Variants in ROBO2 observed in about 807,000 individuals in gnomAD.
ROBO2 encodes the protein roundabout homolog 2.
ROBO2 carries 53 observed loss-of-function variants against 160.8 expected under a neutral mutation model. The ratio of observed to expected loss-of-function variants is 0.33; its 90% CI spans 0.26 to 0.41. The LOEUF (loss-of-function observed/expected upper bound fraction) is 0.41, where lower values mean the gene tolerates loss of function less well. ROBO2 is among the 10% of genes least tolerant of loss of function. The pLI is 1.00. For missense variants in ROBO2, 1,577 were observed against 1,722.4 expected, an observed-to-expected ratio of 0.92 and a Z score of 1.49; for synonymous variants, 664 against 611.7, an observed-to-expected ratio of 1.09 and a Z score of -1.26.
chr3:76,077,220 C>G, intron 2 of ROBO2, among the ~76,000 whole-genome samples: 1 of 152,000 alleles, frequency 6.6e-6, no homozygotes, highest in East Asian at 1.9e-4. Context: ...CAGTGTGCAA[C>G]TAGGGATTGG....
At chr3:77,463,639 GGT>G (rs1233377929) in intron 2 of ROBO2, among the ~76,000 whole-genome samples, 2 of 151,928 alleles carry the variant, frequency 1.3e-5, no homozygotes, top group Admixed American at 1.3e-4. Flanking sequence ...GGAGTGCAGT[GGT>G]GCAATCATGT....
intron 2 of ROBO2, among the ~76,000 whole-genome samples, chr3:76,555,361 A>G (rs955561363): frequency 6.7e-5 from 2 of 29,648 alleles, no homozygotes; most frequent in East Asian, 2.0e-3. Flanking sequence ...AGGAAGAGAG[A>G]AGAAGAAGAA....
At chr3:76,945,577 G>C (rs149331258) in intron 2 of ROBO2, among the ~76,000 whole-genome samples, 1 of 152,124 alleles carries the variant, frequency 6.6e-6, no homozygotes, top group Non-Finnish European at 1.5e-5. Flanking sequence ...GGTGTATCAG[G>C]GTGTATCAGT....
At chr3:76,149,896 CT>C (rs2072093033) in intron 2 of ROBO2, among the ~76,000 whole-genome samples, 1 of 151,168 alleles carries the variant, frequency 6.6e-6, no homozygotes, top group African/African-American at 2.4e-5. Flanking sequence ...CACACATCAT[CT>C]GTCTAAAACA....
At chr3:76,890,170 G>T (rs2074234145) in intron 2 of ROBO2, among the ~76,000 whole-genome samples, 1 of 152,078 alleles carries the variant, frequency 6.6e-6, no homozygotes, top group African/African-American at 2.4e-5. Context: ...ATGATAGTGG[G>T]TTATTGAGCT....
chr3:76,449,288 T>C (rs976674298), intron 2 of ROBO2, among the ~76,000 whole-genome samples: 2 of 152,132 alleles, frequency 1.3e-5, no homozygotes, highest in Non-Finnish European at 1.5e-5. Flanking sequence ...ATGAGCTAAA[T>C]TGAAATTTTT....
intron 2 of ROBO2, among the ~76,000 whole-genome samples, chr3:76,664,192 T>C (rs558908961): frequency 6.6e-6 from 1 of 152,280 alleles, no homozygotes; most frequent in South Asian, 2.1e-4. Flanking sequence ...TCACAGAAGC[T>C]GTTATGTCTA....
rs563922012 is a variant in ROBO2 at position 76,129,839 on chromosome 3, G to A, written c.109+192237G>A. On this transcript the variant is annotated intron_variant, in intron 2 of 26. Coordinates refer to the ROBO2 transcript ENST00000487694. Reference sequence around the variant, plus strand: ...GTCAGGGAGTTACATCTCGATTCCCGTCCTAGCACCAGGATATTTTCATAT... The same window carrying A: ...GTCAGGGAGTTACATCTCGATTCCCATCCTAGCACCAGGATATTTTCATAT... Among the ~76,000 whole-genome samples, 14 of 151,860 alleles carry A rather than the reference G, an allele frequency of 9.2e-5. No individual in the cohort carries two copies. In the South Asian group the frequency reaches 1.7e-3, roughly 18 times the overall value.
At chr3:76,127,258 G>A (rs937517485) in intron 2 of ROBO2, among the ~76,000 whole-genome samples, 23 of 152,084 alleles carry the variant, frequency 1.5e-4, no homozygotes, top group African/African-American at 5.1e-4. Flanking sequence ...ACTTCTAGAA[G>A]CTGGAAAATT....
chr3:76,304,706 TTTTC>T lies in ROBO2; in HGVS notation c.109+367110_109+367113del, dbSNP rs770483824. On this transcript the variant is annotated intron_variant, in intron 2 of 26. Coordinates refer to the ROBO2 transcript ENST00000487694. Reference sequence around the variant, plus strand: ...CTCGTTTTATTTTGTTGTTGTTTTATTTTCTTTCTCTTTCTTTCTTTCTTTCTTT... The same window carrying T: ...CTCGTTTTATTTTGTTGTTGTTTTATTTTCTCTTTCTTTCTTTCTTTCTTT... 1.5e-3 allele frequency among the ~76,000 whole-genome samples: 213 copies of T among 146,332 alleles called. 4 individuals are homozygous for T. Among genetic ancestry groups the T allele is most frequent in the Admixed American group, 3.3e-3 (48 of 14,590 alleles).
At chr3:76,127,812 T>C (rs2071050867) in intron 2 of ROBO2, among the ~76,000 whole-genome samples, 1 of 151,394 alleles carries the variant, frequency 6.6e-6, no homozygotes, top group Admixed American at 6.6e-5. Context: ...AAAATATCTA[T>C]GAAGCAAAAT....
At chr3:76,304,414 A>C (rs2071219762) in intron 2 of ROBO2, among the ~76,000 whole-genome samples, 1 of 152,252 alleles carries the variant, frequency 6.6e-6, no homozygotes, top group Admixed American at 6.5e-5. Flanking sequence ...CGACGTAATT[A>C]ATGAAACTAC....
intron 2 of ROBO2, among the ~76,000 whole-genome samples, chr3:76,097,973 A>G (rs2069523284): frequency 6.6e-6 from 1 of 152,142 alleles, no homozygotes; most frequent in Non-Finnish European, 1.5e-5. Context: ...TGGTAAATAA[A>G]ACAGCATTTT....
chr3:76,620,352 A>G (rs1267058219), intron 2 of ROBO2, among the ~76,000 whole-genome samples: 2 of 152,206 alleles, frequency 1.3e-5, no homozygotes, highest in Non-Finnish European at 2.9e-5. Flanking sequence ...GAATGAGATT[A>G]ACTTGCATCA....
At chr3:77,260,879 G>A (rs1034236197) in intron 2 of ROBO2, among the ~76,000 whole-genome samples, 1 of 152,126 alleles carries the variant, frequency 6.6e-6, no homozygotes, top group African/African-American at 2.4e-5. Flanking sequence ...TTTGGGGGTG[G>A]CTTTGTGGGT....
At chr3:76,495,009 CA>C (rs2080064614) in intron 2 of ROBO2, among the ~76,000 whole-genome samples, 1 of 151,988 alleles carries the variant, frequency 6.6e-6, no homozygotes, top group African/African-American at 2.4e-5. Context: ...TACTGAATAC[CA>C]CTGAATTGTG....
chr3:76,795,292 T>C (rs1448930146), intron 2 of ROBO2, among the ~76,000 whole-genome samples: 1 of 152,068 alleles, frequency 6.6e-6, no homozygotes, highest in Non-Finnish European at 1.5e-5. Context: ...GCTGCATCAA[T>C]TGACTCTTCC....
intron 6 of ROBO2, among the ~76,000 whole-genome samples, chr3:77,533,684 C>T (rs2091909053): frequency 6.6e-6 from 1 of 152,118 alleles, no homozygotes; most frequent in South Asian, 2.1e-4. Context: ...CTTTGTAGCT[C>T]TCCGAGGCCT....
intron 2 of ROBO2, among the ~76,000 whole-genome samples, chr3:76,985,498 T>TG (rs1171637296): frequency 2.4e-5 from 3 of 122,882 alleles, no homozygotes; most frequent in African/African-American, 9.4e-5. Flanking sequence ...AGGAGAATGG[T>TG]GGGAACCCAG....
Sources: gnomAD v4.1 joint callset for allele counts (sites outside exome capture counted in the v4.1 genomes callset) on GRCh38, gnomAD v4.1.1 for gene constraint, MANE v1.5 for transcripts, NCBI Gene and HGNC (gene_info 2026-07-23, HGNC 2026-07-21) for gene names.